Variants in MRTFA observed in about 807,000 individuals in gnomAD.
The protein encoded by MRTFA is myocardin-related transcription factor A.
MRTFA carries 20 observed loss-of-function variants against 83.5 expected under a neutral mutation model. The observed-to-expected ratio is 0.24, with a 90% CI of 0.17 to 0.35. The LOEUF (loss-of-function observed/expected upper bound fraction) is 0.35, where lower values mean the gene tolerates loss of function less well. Ranked by LOEUF, MRTFA falls within the 10% of genes least tolerant of loss-of-function variation. The pLI is 1.00. For synonymous variants in MRTFA, 659 were observed against 541.2 expected, an observed-to-expected ratio of 1.22 and a Z score of -3.02; for missense variants, 1,200 against 1,224.7, an observed-to-expected ratio of 0.98 and a Z score of 0.30.
intron 4 of MRTFA, among the ~76,000 whole-genome samples, chr22:40,455,740 T>C (rs531275405): frequency 1.3e-5 from 2 of 149,856 alleles, no homozygotes; most frequent in African/African-American, 4.9e-5. Flanking sequence ...GCAGAGGATG[T>C]TGGAGATTAC....
intron 3 of MRTFA, among the ~76,000 whole-genome samples, chr22:40,550,576 C>A (rs1287501474): frequency 6.6e-6 from 1 of 152,090 alleles, no homozygotes; most frequent in East Asian, 1.9e-4. Context: ...TACAGAATAT[C>A]TTTAACTTAC....
chr22:40,584,391 GA>G (rs1838760552), intron 2 of MRTFA, among the ~76,000 whole-genome samples: 1 of 152,156 alleles, frequency 6.6e-6, no homozygotes, highest in African/African-American at 2.4e-5. Flanking sequence ...TAATAAAATA[GA>G]TGCGGAGGAT....
chr22:40,424,650 T>G (rs2052915993), intron 7 of MRTFA, among the ~76,000 whole-genome samples: 1 of 152,208 alleles, frequency 6.6e-6, no homozygotes, highest in Non-Finnish European at 1.5e-5. Flanking sequence ...TTTAGCCTCT[T>G]GCTTGTAACT....
intron 2 of MRTFA, among the ~76,000 whole-genome samples, 181 bp from the exon 3 acceptor site, chr22:40,552,548 C>A (rs1474583054): frequency 6.6e-6 from 1 of 152,150 alleles, no homozygotes; most frequent in African/African-American, 2.4e-5. Flanking sequence ...CTCATGAGTT[C>A]TCACAAGATC....
chr22:40,627,174 T>C (rs2056592011), intron 1 of MRTFA, among the ~76,000 whole-genome samples: 1 of 152,118 alleles, frequency 6.6e-6, no homozygotes, highest in African/African-American at 2.4e-5. Context: ...TCTGAGACAG[T>C]CTCACTCTGT....
intron 1 of MRTFA, among the ~76,000 whole-genome samples, chr22:40,617,752 A>G (rs1322684617): frequency 6.6e-6 from 1 of 151,966 alleles, no homozygotes. Context: ...AAAAAAAGAA[A>G]GAAAGAATGG....
At chr22:40,485,687 G>T (rs1569291666) in intron 3 of MRTFA, among the ~76,000 whole-genome samples, 2 of 152,216 alleles carry the variant, frequency 1.3e-5, no homozygotes, top group East Asian at 1.9e-4. Context: ...TAAAAATGTG[G>T]GTCTCAATGA....
At chr22:40,444,841 G>A (rs2053801328) in intron 4 of MRTFA, among the ~76,000 whole-genome samples, 2 of 152,188 alleles carry the variant, frequency 1.3e-5, no homozygotes, top group Admixed American at 1.3e-4. Flanking sequence ...GCCAAGGCCA[G>A]TGGATCACTT....
intron 2 of MRTFA, among the ~76,000 whole-genome samples, chr22:40,592,383 G>C (rs2056134150): frequency 6.6e-6 from 1 of 151,144 alleles, no homozygotes. Context: ...AGGAGGTCAA[G>C]GCTACAGTGA....
rs1157172177 is a variant in MRTFA, at chr22:40,411,697, C to T, written c.2789G>A (p.Gly930Glu). Residue 930 changes from glycine (G) to glutamate (E), a missense_variant, in exon 15 of 15, where the codon GGG becomes GAG. Transcript: ENST00000355630. ...GGAAAGGGGCTCTGGCCCGTCATGC[C>T]CACTGGTCAGCAGGGGCAGCCCCGT... is the stretch of plus-strand genomic sequence containing the variant. 1 of 1,592,840 alleles carries T rather than the reference C, an allele frequency of 6.3e-7. No homozygotes were observed. Among genetic ancestry groups the T allele is most frequent in the South Asian group, 1.1e-5 (1 of 87,682 alleles).
chr22:40,498,841 A>G (rs1311796085), intron 3 of MRTFA, among the ~76,000 whole-genome samples: 1 of 152,076 alleles, frequency 6.6e-6, no homozygotes, highest in Non-Finnish European at 1.5e-5. Flanking sequence ...CCTGTTGCCA[A>G]CTCTGGTTTT....
chr22:40,472,778 T>C (rs925546619), intron 3 of MRTFA, among the ~76,000 whole-genome samples: 8 of 152,164 alleles, frequency 5.3e-5, no homozygotes, highest in Non-Finnish European at 1.0e-4. Flanking sequence ...ATCTTAGCTA[T>C]GGACCTCCCA....
At chr22:40,503,426 G>T (rs771266132) in intron 3 of MRTFA, among the ~76,000 whole-genome samples, 2 of 152,272 alleles carry the variant, frequency 1.3e-5, no homozygotes, top group East Asian at 1.9e-4. Flanking sequence ...GGCTGGGATG[G>T]TCTCGAACCC....
intron 7 of MRTFA, among the ~76,000 whole-genome samples, chr22:40,428,629 T>A (rs976166971): frequency 3.3e-4 from 51 of 152,288 alleles, no homozygotes; most frequent in African/African-American, 1.2e-3. Context: ...TCTTCCCACC[T>A]CAGCCTCCTG....
chr22:40,539,549 C>T (rs1477075757), intron 3 of MRTFA, among the ~76,000 whole-genome samples: 1 of 144,232 alleles, frequency 6.9e-6, no homozygotes, highest in African/African-American at 2.4e-5. Context: ...TGTAGCCAGG[C>T]TGGAGTGCAG....
intron 3 of MRTFA, among the ~76,000 whole-genome samples, chr22:40,480,969 A>T (rs965330790): frequency 2.0e-5 from 3 of 151,952 alleles, no homozygotes; most frequent in Non-Finnish European, 4.4e-5. Flanking sequence ...ACAAAAAATA[A>T]TTTTTTAAAA....
chr22:40,496,633 G>A (rs533825286), intron 3 of MRTFA, among the ~76,000 whole-genome samples: 219 of 142,752 alleles, frequency 1.5e-3, no homozygotes, highest in African/African-American at 5.3e-3. Flanking sequence ...AATTTGAGCT[G>A]TTGTCCTCAC....
chr22:40,460,839 A>T (rs572160137), intron 4 of MRTFA, among the ~76,000 whole-genome samples: 1 of 152,336 alleles, frequency 6.6e-6, no homozygotes, highest in South Asian at 2.1e-4. Flanking sequence ...ATAGTCTGGC[A>T]GTGAACTGCA....
chr22:40,628,179 A>G (rs933878717), intron 1 of MRTFA, among the ~76,000 whole-genome samples: 4 of 152,152 alleles, frequency 2.6e-5, no homozygotes, highest in South Asian at 2.1e-4. Context: ...TAACGACCTC[A>G]TGTTGTAAGG....
Sources: allele counts gnomAD v4.1 joint callset (sites outside exome capture counted in the v4.1 genomes callset), GRCh38; gene constraint gnomAD v4.1.1; transcripts MANE v1.5; gene names NCBI Gene and HGNC (gene_info 2026-07-23, HGNC 2026-07-21).